Variants in DNAJA2 observed in about 807,000 individuals in gnomAD.
DNAJA2 encodes the protein dnaJ homolog subfamily A member 2.
Under a neutral mutation model 49.3 loss-of-function variants are expected in DNAJA2, and 6 were observed. That is an observed-to-expected ratio of 0.12 (90% CI 0.07 to 0.24). The LOEUF (loss-of-function observed/expected upper bound fraction) is 0.24, where lower values mean the gene tolerates loss of function less well. Ranked by LOEUF, DNAJA2 falls within the 10% of genes least tolerant of loss-of-function variation. DNAJA2 has a pLI of 1.00. For synonymous variants in DNAJA2, 160 were observed against 172.7 expected (o/e 0.93, Z 0.58); for missense variants, 347 against 516.8 (o/e 0.67, Z 3.19).
At chr16:46,971,624 G>T (rs754064476) in intron 2 of DNAJA2, 52 bp from the exon 3 acceptor site, 2 of 1,016,508 alleles carry the variant, frequency 2.0e-6, no homozygotes, top group African/African-American at 1.7e-5. Flanking sequence ...GTAGAAGAGT[G>T]GGGAGAAGCT....
Position 46,967,611 on chromosome 16 carries a change from C to T in DNAJA2, c.479G>A (p.Ser160Asn). 6.2e-7 allele frequency: 1 copy of T among 1,614,188 alleles called. No homozygotes were observed. The highest frequency in any genetic ancestry group is 8.5e-7 in the Non-Finnish European group (1 of 1,180,048). Residue 160 changes from serine (S) to asparagine (N), a missense_variant, in exon 5 of 9, where the codon AGT (serine) becomes AAT (asparagine). By Grantham distance (46) the Ser-to-Asn change is conservative (BLOSUM62 1). Transcript: ENST00000317089. The part of the protein sequence containing the change: ...GGKSGAVQKC[S>N]ACRGRGVRIM... ...GCGCACACCTCGACCTCGACAAGCA[C>T]TACACTTTTGGACAGCTCCAGACTT...
chr16:46,969,627 T>C (rs1008804806), intron 3 of DNAJA2, among the ~76,000 whole-genome samples: 7 of 152,182 alleles, frequency 4.6e-5, no homozygotes, highest in Admixed American at 2.0e-4. Context: ...AAAACACTCA[T>C]GCCTGCCTGG....
intron 6 of DNAJA2, among the ~76,000 whole-genome samples, chr16:46,959,861 A>G (rs905934793): frequency 6.6e-6 from 1 of 152,242 alleles, no homozygotes; most frequent in Admixed American, 6.5e-5. Flanking sequence ...TCAACCAGTT[A>G]ACACCCAGCC....
intron 3 of DNAJA2, among the ~76,000 whole-genome samples, chr16:46,969,834 C>CT (rs550474712): frequency 1.3e-5 from 2 of 152,186 alleles, no homozygotes; most frequent in East Asian, 1.9e-4. Flanking sequence ...TATAGCATAA[C>CT]TTTTTTTTAA....
intron 6 of DNAJA2, among the ~76,000 whole-genome samples, chr16:46,962,685 C>A (rs1481293879): frequency 6.6e-6 from 1 of 152,198 alleles, no homozygotes; most frequent in African/African-American, 2.4e-5. Flanking sequence ...GTAAATATTT[C>A]ATTCTACAAG....
chr16:46,968,015 T>C (rs1961997463), intron 4 of DNAJA2, 69 bp downstream of exon 4: 2 of 1,377,246 alleles, frequency 1.5e-6, no homozygotes, highest in African/African-American at 1.5e-5. Context: ...TTTTACGTGG[T>C]ACAGACATTC....
intron 5 of DNAJA2, among the ~76,000 whole-genome samples, chr16:46,965,664 C>A (rs1449723142): frequency 6.6e-6 from 1 of 151,268 alleles, no homozygotes; most frequent in Non-Finnish European, 1.5e-5. Flanking sequence ...AACCCCGTCT[C>A]CACTGAAAAT....
intron 3 of DNAJA2, among the ~76,000 whole-genome samples, chr16:46,969,799 T>C (rs1329332108): frequency 6.6e-6 from 1 of 152,188 alleles, no homozygotes; most frequent in Non-Finnish European, 1.5e-5. Context: ...ATCTGAAATG[T>C]TAAAACAGCA....
At chr16:46,963,867 A>G (rs1961932906) in intron 6 of DNAJA2, among the ~76,000 whole-genome samples, 1 of 152,238 alleles carries the variant, frequency 6.6e-6, no homozygotes, top group Non-Finnish European at 1.5e-5. Context: ...GTGAAAATAC[A>G]GGCTGCCTTA....
At chr16:46,963,701 A>T (rs369783084) in intron 6 of DNAJA2, among the ~76,000 whole-genome samples, 1 of 152,212 alleles carries the variant, frequency 6.6e-6, no homozygotes, top group East Asian at 1.9e-4. Flanking sequence ...CCATCTCAAA[A>T]ACAAAAACCC....
At position 46,973,624 on chromosome 16, in the gene DNAJA2, G is replaced by C. The variant is rs778606935; in HGVS notation, c.-52C>G. The C allele has an allele frequency of 4.9e-5, 76 of 1,564,580 alleles. No individual in the cohort carries two copies. Among genetic ancestry groups the C allele is most frequent in the Non-Finnish European group, 5.1e-5 (59 of 1,160,034 alleles). Reference sequence around the variant, plus strand: ...AGAAGGTGGCGAAGCAGACAGAGCGGAGTCGGGCCCACAAGCGGCGTCGGC... The same window carrying C: ...AGAAGGTGGCGAAGCAGACAGAGCGCAGTCGGGCCCACAAGCGGCGTCGGC... On this transcript the variant is annotated 5_prime_UTR_variant, in exon 1 of 9. Coordinates refer to ENST00000317089, the MANE Select transcript of DNAJA2 (RefSeq NM_005880.4).
In DNAJA2 at chr16:46,959,359, G is replaced by T; in HGVS notation, c.835C>A (p.Leu279Ile). 1 of 1,613,912 alleles carries T rather than the reference G, an allele frequency of 6.2e-7. No individual in the cohort carries two copies. Among genetic ancestry groups the T allele is most frequent in the Non-Finnish European group, 8.5e-7 (1 of 1,179,850 alleles). ...TTAAATGTGAACTGAAATCCACATA[G>T]AGCTTCAACAAGTCCTATTTTATAT... ...MTYKIGLVEA[L>I]CGFQFTFKHL... The change falls in exon 7 of 9, where the codon CTA (leucine) becomes ATA (isoleucine). Residue 279 changes from leucine to isoleucine, a missense_variant. Transcript: ENST00000317089.
At chr16:46,960,758 G>A (rs535674629) in intron 6 of DNAJA2, among the ~76,000 whole-genome samples, 19 of 152,020 alleles carry the variant, frequency 1.2e-4, no homozygotes, top group African/African-American at 4.1e-4. Context: ...CAGCCTGGGC[G>A]ACACAGCGAG....
In DNAJA2 at chr16:46,955,492, T is replaced by G. The variant is rs1410387562; in HGVS notation, c.*1537A>C. ...TATGCTGTTGAATCTTACCCAGGCT[T>G]GTTGTAAAATATTTTTTGTACAATG... On this transcript the variant is annotated 3_prime_UTR_variant, in exon 9 of 9. Coordinates refer to ENST00000317089, the MANE Select transcript of DNAJA2 (RefSeq NM_005880.4). 1 of 152,226 alleles carries G rather than the reference T, an allele frequency of 6.6e-6. No individual in the cohort carries two copies. The highest frequency in any genetic ancestry group is 1.5e-5 in the Non-Finnish European group (1 of 68,042). 9.4% of individuals were successfully genotyped at this position (152,226 alleles called of 1,614,324 possible). A position where few individuals can be genotyped will look rare whatever the true frequency, so the allele number is the denominator to read the frequency against.
intron 1 of DNAJA2, 96 bp downstream of exon 1, chr16:46,973,399 T>A (rs1287395884): frequency 7.9e-6 from 9 of 1,144,228 alleles, no homozygotes; most frequent in Non-Finnish European, 3.3e-6. Flanking sequence ...CGGCGCCGGC[T>A]CGCGGGCAGC....
At chr16:46,960,881 A>C (rs1051183528) in intron 6 of DNAJA2, among the ~76,000 whole-genome samples, 9 of 151,848 alleles carry the variant, frequency 5.9e-5, no homozygotes, top group Non-Finnish European at 8.8e-5. Context: ...ATTAAAACAT[A>C]AACTAGGCTA....
chr16:46,969,754 AG>A (rs1962019705), intron 3 of DNAJA2, among the ~76,000 whole-genome samples: 1 of 152,376 alleles, frequency 6.6e-6, no homozygotes, highest in East Asian at 1.9e-4. Context: ...CATAGAATGC[AG>A]TATTATAAAC....
In DNAJA2 at chr16:46,968,175, A is replaced by C; in HGVS notation, c.363-11T>G. Reference sequence around the variant, plus strand: ...TCTTCTAAAGATACTCTGGAAAGAAAAGAATCGGCTTCAATCAAATTTTGC... The same window carrying C: ...TCTTCTAAAGATACTCTGGAAAGAACAGAATCGGCTTCAATCAAATTTTGC... On this transcript the variant is annotated splice_polypyrimidine_tract_variant and intron_variant, in intron 3 of 8. Coordinates refer to ENST00000317089, the MANE Select transcript of DNAJA2 (RefSeq NM_005880.4). The C allele has an allele frequency of 1.3e-6, 2 of 1,577,880 alleles. No homozygotes were observed. The highest frequency in any genetic ancestry group is 2.7e-5 in the African/African-American group (2 of 73,008).
chr16:46,973,537 G>C lies in DNAJA2; in HGVS notation c.36C>G (p.Ile12Met), dbSNP rs1962089695. The change falls in exon 1 of 9, where the codon ATC (isoleucine) becomes ATG (methionine). Residue 12 changes from isoleucine (I) to methionine (M), a missense_variant. Transcript: ENST00000317089. ...ANVADTKLYD[I>M]LGVPPGASEN... ...CGCTGGCGCCGGGCGGGACGCCCAG[G>C]ATGTCGTACAGCTTCGTGTCAGCCA... 1 of 1,602,980 alleles carries C rather than the reference G, an allele frequency of 6.2e-7. No homozygotes were observed. The highest frequency in any genetic ancestry group is 1.7e-5 in the Admixed American group (1 of 59,498).
Sources: gnomAD v4.1 joint callset for allele counts (sites outside exome capture counted in the v4.1 genomes callset) on GRCh38, gnomAD v4.1.1 for gene constraint, MANE v1.5 for transcripts, NCBI Gene and HGNC (gene_info 2026-07-23, HGNC 2026-07-21) for gene names.